Variants in FAM184A observed in about 807,000 individuals in gnomAD.
FAM184A encodes the protein protein FAM184A.
FAM184A carries 99 observed loss-of-function variants against 143.8 expected under a neutral mutation model. The observed-to-expected ratio is 0.69, with a 90% confidence interval of 0.58 to 0.81. The LOEUF is 0.81. Ranked by LOEUF, FAM184A falls within the 40% of genes least tolerant of loss-of-function variation. FAM184A has a pLI of 0.00. For synonymous variants in FAM184A, 427 were observed against 446.4 expected (o/e 0.96, Z 0.55); for missense variants, 1,217 against 1,310.5 (o/e 0.93, Z 1.10).
At chr6:119,133,905 A>G (rs1789597926) in intron 1 of FAM184A, among the ~76,000 whole-genome samples, 2 of 151,356 alleles carry the variant, frequency 1.3e-5, no homozygotes, top group South Asian at 2.1e-4. Flanking sequence ...TGGGAGGCCA[A>G]AGCAGGGCTC....
chr6:119,030,182 A>G (rs181837822), intron 1 of FAM184A, among the ~76,000 whole-genome samples: 45 of 152,314 alleles, frequency 3.0e-4, no homozygotes, highest in African/African-American at 1.1e-3. Flanking sequence ...ATGTTAAATA[A>G]GTTTCTAAAA....
intron 1 of FAM184A, among the ~76,000 whole-genome samples, chr6:119,057,477 G>A (rs1317791276): frequency 4.6e-5 from 7 of 152,220 alleles, no homozygotes; most frequent in African/African-American, 1.7e-4. Context: ...AGTGGCTCAT[G>A]CTTGTAATCC....
chr6:119,113,940 A>AAAATAAAT (rs570853166), intron 1 of FAM184A, among the ~76,000 whole-genome samples: 159 of 152,328 alleles, frequency 1.0e-3, no homozygotes, highest in Non-Finnish European at 2.0e-3. Context: ...ACTATGTCTC[A>AAAATAAAT]AAATAAATAA....
intron 9 of FAM184A, among the ~76,000 whole-genome samples, chr6:118,988,517 C>T (rs755825660): frequency 1.1e-4 from 17 of 152,150 alleles, no homozygotes; most frequent in Non-Finnish European, 2.1e-4. Flanking sequence ...TGTAGGTTCA[C>T]GGAGAATTTC....
intron 14 of FAM184A, among the ~76,000 whole-genome samples, chr6:118,968,822 A>C (rs1303947529): frequency 3.7e-5 from 2 of 53,832 alleles, no homozygotes; most frequent in Non-Finnish European, 7.3e-5. Context: ...TCTCTGAACC[A>C]CTTTTTTTTG....
intron 1 of FAM184A, among the ~76,000 whole-genome samples, chr6:119,113,004 C>T (rs913570947): frequency 3.9e-5 from 6 of 152,046 alleles, no homozygotes; most frequent in Non-Finnish European, 7.4e-5. Context: ...GGTTTTACTT[C>T]CTGTCTCTCT....
At chr6:119,042,021 G>A (rs1786355189) in intron 1 of FAM184A, among the ~76,000 whole-genome samples, 2 of 152,126 alleles carry the variant, frequency 1.3e-5, no homozygotes, top group African/African-American at 4.8e-5. Context: ...GGAGCTCTGG[G>A]AACAAGGACC....
At chr6:118,989,111 G>A (rs1784281880) in intron 9 of FAM184A, among the ~76,000 whole-genome samples, 1 of 151,890 alleles carries the variant, frequency 6.6e-6, no homozygotes, top group African/African-American at 2.4e-5. Context: ...ACAGGCGCCT[G>A]CCACTGCGCC....
chr6:119,063,997 A>AC (rs905968376), intron 1 of FAM184A, among the ~76,000 whole-genome samples: 14 of 151,768 alleles, frequency 9.2e-5, no homozygotes, highest in Admixed American at 1.3e-4. Context: ...AATAATTTTC[A>AC]CCCCCCCATA....
chr6:119,065,807 G>A (rs2114777061), intron 1 of FAM184A, among the ~76,000 whole-genome samples: 1 of 151,544 alleles, frequency 6.6e-6, no homozygotes, highest in East Asian at 1.9e-4. Flanking sequence ...CTAATCCATG[G>A]CCCTCATAAT....
chr6:119,042,939 C>A (rs1301046176), intron 1 of FAM184A, among the ~76,000 whole-genome samples: 1 of 152,146 alleles, frequency 6.6e-6, no homozygotes, highest in Non-Finnish European at 1.5e-5. Flanking sequence ...CAAAAATCTG[C>A]ATCCTGAACA....
intron 9 of FAM184A, among the ~76,000 whole-genome samples, chr6:118,986,963 G>A (rs749739083): frequency 1.3e-5 from 2 of 151,908 alleles, no homozygotes; most frequent in Non-Finnish European, 2.9e-5. Context: ...AGAAAATGCT[G>A]CTAAATGTAT....
chr6:119,115,225 T>A (rs1451905836), intron 1 of FAM184A, among the ~76,000 whole-genome samples: 1 of 152,248 alleles, frequency 6.6e-6, no homozygotes, highest in Non-Finnish European at 1.5e-5. Flanking sequence ...TGAATTTTCA[T>A]ATTCCAACAA....
intron 1 of FAM184A, among the ~76,000 whole-genome samples, chr6:119,140,960 C>T (rs186503592): frequency 5.9e-5 from 9 of 152,260 alleles, no homozygotes; most frequent in Admixed American, 4.6e-4. Context: ...ATTAAGCAGG[C>T]GTTGACAACT....
At chr6:119,142,322 C>T (rs565140819) in intron 1 of FAM184A, among the ~76,000 whole-genome samples, 11 of 152,242 alleles carry the variant, frequency 7.2e-5, no homozygotes, top group Middle Eastern at 3.4e-3. Flanking sequence ...TCATCCCAGG[C>T]GCACTGTTTC....
At chr6:119,040,280 T>C (rs150625431) in intron 1 of FAM184A, among the ~76,000 whole-genome samples, 47 of 152,294 alleles carry the variant, frequency 3.1e-4, no homozygotes, top group African/African-American at 1.1e-3. Context: ...GTACCTCAGA[T>C]CTCTTCCACC....
chr6:119,146,717 C>T (rs1772447419), intron 1 of FAM184A, among the ~76,000 whole-genome samples: 1 of 152,092 alleles, frequency 6.6e-6, no homozygotes, highest in African/African-American at 2.4e-5. Context: ...ATAATGTCAG[C>T]ATAGTATGGG....
Position 119,011,401 on chromosome 6 carries a change from G to A in FAM184A, c.1561C>T (p.Leu521=). The change falls in exon 6 of 18, where the codon CTA becomes TTA. Residue 521 remains leucine (L), a synonymous_variant. Coordinates refer to ENST00000338891, the MANE Select transcript of FAM184A (RefSeq NM_024581.6). The stretch of plus-strand genomic sequence containing the variant: ...TGATTTTTATCCTCTTCCAGGTTTA[G>A]TTTATCTTTGTTATGTTGTTCTTCC... The part of the protein sequence containing the change: ...DLEEQHNKDK[L]NLEEDKNQLQ... 6.4e-7 allele frequency: 1 copy of A among 1,559,160 alleles called. No homozygotes were observed. Among genetic ancestry groups the A allele is most frequent in the Non-Finnish European group, 8.7e-7 (1 of 1,147,184 alleles).
At chr6:119,121,073 G>C (rs1789200951) in intron 1 of FAM184A, among the ~76,000 whole-genome samples, 1 of 151,132 alleles carries the variant, frequency 6.6e-6, no homozygotes. Context: ...GCCACTCAAA[G>C]TACTGGGATT....
Sources: allele counts gnomAD v4.1 joint callset (sites outside exome capture counted in the v4.1 genomes callset), GRCh38; gene constraint gnomAD v4.1.1; transcripts MANE v1.5; gene names NCBI Gene and HGNC (gene_info 2026-07-23, HGNC 2026-07-21).